Variants in PARP9 observed in about 807,000 individuals in gnomAD.
PARP9 encodes the protein poly(ADP-ribose) polymerase family member 9, also known as protein mono-ADP-ribosyltransferase PARP9.
In PARP9, 48 loss-of-function variants were observed where a neutral mutation model predicts 68.8. The ratio of observed to expected loss-of-function variants is 0.70; its 90% CI spans 0.55 to 0.89. The LOEUF is 0.89. Among genes scored for constraint, PARP9 ranks in the 40% least tolerant of loss-of-function variants. The probability of loss-of-function intolerance (pLI) is 0.00; values close to 1 mark genes in which losing one functional copy is unlikely to be tolerated. For missense variants in PARP9, 806 were observed against 969.3 expected, an observed-to-expected ratio of 0.83 and a Z score of 2.24; for synonymous variants, 309 against 333.8, an observed-to-expected ratio of 0.93 and a Z score of 0.81.
Position 122,550,589 on chromosome 3 carries a change from A to G in PARP9, c.1321T>C (p.Tyr441His), listed in dbSNP as rs1390472551. The change falls in exon 6 of 11, where the codon TAT becomes CAT. Residue 441 changes from tyrosine to histidine, a missense_variant. Transcript: ENST00000682323. ...TTTCTAAGATATTAACTTACCTTAT[A>G]TATCTCCAAATCTGTTGGAAAGATC... is the stretch of plus-strand genomic sequence containing the variant. ...FVIFPTDLEI[Y>H]KAFSSEMAKR... The G allele has an allele frequency of 6.2e-7, 1 of 1,603,768 alleles. No homozygotes were observed. The highest frequency in any genetic ancestry group is 8.5e-7 in the Non-Finnish European group (1 of 1,172,082).
At chr3:122,528,973 C>A (rs1011137290) in intron 10 of PARP9, among the ~76,000 whole-genome samples, 4 of 152,048 alleles carry the variant, frequency 2.6e-5, no homozygotes, top group African/African-American at 9.7e-5. Flanking sequence ...TAGGGCTGGG[C>A]ACAGTGGCTC....
chr3:122,561,220 A>T (rs2080179647), intron 1 of PARP9, among the ~76,000 whole-genome samples: 1 of 152,206 alleles, frequency 6.6e-6, no homozygotes, highest in East Asian at 1.9e-4. Context: ...GCACTTTGGG[A>T]GGCAGAGGCA....
rs747679430 is a variant in PARP9, at chr3:122,555,269, T to C, written c.885+17A>G. The C allele has an allele frequency of 1.0e-5, 16 of 1,587,968 alleles. No individual in the cohort carries two copies. The East Asian group carries it at 1.3e-4, about 13-fold the overall frequency. ...GATCACCTGTGCCAGTGCAAGAGAATAGAAACAAAGACTTACCGTCTGCCA... is the reference window on the plus strand; with the variant it reads ...GATCACCTGTGCCAGTGCAAGAGAACAGAAACAAAGACTTACCGTCTGCCA... On this transcript the variant is annotated intron_variant, in intron 4 of 10. Coordinates refer to ENST00000682323, the MANE Select transcript of PARP9 (RefSeq NM_001146105.2).
At chr3:122,537,219 TATA>T (rs1359484617) in intron 8 of PARP9, 146 bp from the exon 9 acceptor site, 1 of 800,880 alleles carries the variant, frequency 1.2e-6, no homozygotes, top group East Asian at 2.6e-5. Context: ...CGAGGAGAGC[TATA>T]ATACTACGAG....
chr3:122,564,569 A>G, upstream of PARP9: 1 of 1,606,088 alleles, frequency 6.2e-7, no homozygotes, highest in Non-Finnish European at 8.5e-7. Flanking sequence ...ACCCAGGAAC[A>G]CGAAGCCCCG....
intron 6 of PARP9, among the ~76,000 whole-genome samples, chr3:122,550,150 G>T (rs532684499): frequency 1.3e-5 from 2 of 152,274 alleles, no homozygotes; most frequent in South Asian, 4.1e-4. Flanking sequence ...CGTGATCTCG[G>T]CTCACCACAA....
In PARP9 at chr3:122,534,049, GTC is replaced by G; in HGVS notation, c.2080+2117_2080+2118del. ...TGGTGCAGGTCACATTATGAGTCAT[GTC>G]TGAATTGCCTCAAGGCAGTGGCTGT... On this transcript the variant is annotated intron_variant, in intron 10 of 10. Coordinates refer to ENST00000682323, the MANE Select transcript of PARP9 (RefSeq NM_001146105.2). The G allele has an allele frequency of 1.0e-5, 10 of 985,492 alleles. No individual in the cohort carries two copies. In the South Asian group the frequency reaches 4.7e-4, roughly 46 times the overall value. The allele number at this position is 985,492 out of a possible 1,614,324, so 61.0% of individuals were successfully genotyped here. A position where few individuals can be genotyped will look rare whatever the true frequency, so the allele number is the denominator to read the frequency against.
At chr3:122,538,858 GT>G (rs11290575) in intron 8 of PARP9, among the ~76,000 whole-genome samples, 78,625 of 148,702 alleles carry the variant, frequency 0.53, 20,795 homozygotes, top group East Asian at 0.65. Flanking sequence ...TTTTATCCAT[GT>G]TTTTTTTTTT....
At chr3:122,545,662 C>G (rs2078647183) in intron 6 of PARP9, 173 bp from the exon 7 acceptor site, 1 of 602,942 alleles carries the variant, frequency 1.7e-6, no homozygotes, top group Admixed American at 3.0e-5. Context: ...GGACCTCAGT[C>G]TATTAGAACA....
upstream of PARP9, chr3:122,564,694 C>G: frequency 1.1e-5 from 17 of 1,498,994 alleles, no homozygotes; most frequent in South Asian, 2.1e-4. Context: ...TTCCAGCTGA[C>G]CTAGGGGAGA....
intron 8 of PARP9, 149 bp from the exon 9 acceptor site, chr3:122,537,222 A>C (rs2107584009): frequency 1.3e-6 from 1 of 791,188 alleles, no homozygotes. Flanking sequence ...GGAGAGCTAT[A>C]ATACTACGAG....
At chr3:122,541,052 G>A (rs373633541) in intron 7 of PARP9, among the ~76,000 whole-genome samples, 200 bp from the exon 8 acceptor site, 4 of 152,040 alleles carry the variant, frequency 2.6e-5, no homozygotes, top group African/African-American at 7.2e-5. Context: ...CACCAAGCCC[G>A]GCTAATTTTT....
At position 122,539,576 on chromosome 3, in the gene PARP9, T is replaced by C. The variant is rs146161925; in HGVS notation, c.1765+896A>G. ...CTTTCTTTCTTTCTTTCTTTTTTTT[T>C]TGAGACAGAGTTTCGCTTTTGTTGC... On this transcript the variant is annotated intron_variant, in intron 8 of 10. Coordinates refer to ENST00000682323, the MANE Select transcript of PARP9 (RefSeq NM_001146105.2). Among the ~76,000 whole-genome samples, 592 of 149,280 alleles carry C rather than the reference T, an allele frequency of 4.0e-3. 8 individuals are homozygous for C. Among genetic ancestry groups the C allele is most frequent in the African/African-American group, 0.014 (569 of 40,136 alleles).
Position 122,528,334 on chromosome 3 carries a change from G to A in PARP9, c.*30C>T. On this transcript the variant is annotated 3_prime_UTR_variant, in exon 11 of 11. Coordinates refer to ENST00000682323, the MANE Select transcript of PARP9 (RefSeq NM_001146105.2). ...ATTTGGTTAGTTCACCCAAGGTAAG[G>A]CCATACCAGCTGTTAAAATGATGTA... The A allele has an allele frequency of 6.3e-7, 1 of 1,593,974 alleles. No homozygotes were observed. The highest frequency in any genetic ancestry group is 8.6e-7 in the Non-Finnish European group (1 of 1,169,398).
At chr3:122,558,766 AGTG>A (rs1213016085) in intron 2 of PARP9, among the ~76,000 whole-genome samples, 2 of 152,154 alleles carry the variant, frequency 1.3e-5, no homozygotes, top group Non-Finnish European at 2.9e-5. Flanking sequence ...GCTGGAGTGC[AGTG>A]GTGCAATCAC....
chr3:122,548,427 C>T (rs2078935133), intron 6 of PARP9, among the ~76,000 whole-genome samples: 1 of 152,208 alleles, frequency 6.6e-6, no homozygotes, highest in Admixed American at 6.5e-5. Flanking sequence ...CTCTCTAAAA[C>T]TCGGATGTTG....
chr3:122,529,703 G>C (rs761898111), intron 10 of PARP9, among the ~76,000 whole-genome samples: 1 of 148,432 alleles, frequency 6.7e-6, no homozygotes, highest in African/African-American at 2.5e-5. Context: ...GCAGTGAGCC[G>C]AGGTTGCGCC....
At chr3:122,563,631 C>T (rs895777848) in intron 1 of PARP9, among the ~76,000 whole-genome samples, 8 of 152,146 alleles carry the variant, frequency 5.3e-5, no homozygotes, top group African/African-American at 1.9e-4. Context: ...CACCCATCTC[C>T]TCTCCTCCCA....
At chr3:122,562,569 G>C (rs1021700405) in intron 1 of PARP9, among the ~76,000 whole-genome samples, 2 of 152,074 alleles carry the variant, frequency 1.3e-5, no homozygotes, top group Non-Finnish European at 2.9e-5. Flanking sequence ...ACATTTACAT[G>C]GTTCAAATTT....
Sources: gnomAD v4.1 joint callset for allele counts (sites outside exome capture counted in the v4.1 genomes callset) on GRCh38, gnomAD v4.1.1 for gene constraint, MANE v1.5 for transcripts, NCBI Gene and HGNC (gene_info 2026-07-23, HGNC 2026-07-21) for gene names.